Variants in SLC9A9 observed in about 807,000 individuals in gnomAD.
SLC9A9 encodes the protein solute carrier family 9 member A9.
Under a neutral mutation model 77.8 loss-of-function variants are expected in SLC9A9, and 62 were observed. The ratio of observed to expected loss-of-function variants is 0.80; its 90% confidence interval spans 0.65 to 0.98. The LOEUF (loss-of-function observed/expected upper bound fraction) is 0.98, where lower values mean the gene tolerates loss of function less well. SLC9A9 is among the 50% of genes least tolerant of loss of function. The pLI is 0.00. For synonymous variants in SLC9A9, 320 were observed against 283.5 expected, an observed-to-expected ratio of 1.13 and a Z score of -1.29; for missense variants, 775 against 774.9, an observed-to-expected ratio of 1.00 and a Z score of 0.00.
intron 12 of SLC9A9, among the ~76,000 whole-genome samples, chr3:143,451,814 TAACGCAAAGGCAA>T (rs2035013340): frequency 6.6e-6 from 1 of 152,064 alleles, no homozygotes; most frequent in Admixed American, 6.6e-5. Context: ...CATATCAGAG[TAACGCAAAGGCAA>T]ATTTGAGTAT....
At chr3:143,591,814 G>A (rs757173868) in intron 6 of SLC9A9, among the ~76,000 whole-genome samples, 1 of 152,200 alleles carries the variant, frequency 6.6e-6, no homozygotes, top group Non-Finnish European at 1.5e-5. Flanking sequence ...TTTACATATC[G>A]AGTTGGACAA....
At chr3:143,792,307 G>C (rs2008248578) in intron 4 of SLC9A9, among the ~76,000 whole-genome samples, 2 of 152,216 alleles carry the variant, frequency 1.3e-5, no homozygotes, top group African/African-American at 4.8e-5. Flanking sequence ...GAAAGTGTCA[G>C]TTTGATCTGA....
intron 5 of SLC9A9, among the ~76,000 whole-genome samples, chr3:143,675,017 A>G (rs564078442): frequency 6.6e-6 from 1 of 152,174 alleles, no homozygotes; most frequent in Non-Finnish European, 1.5e-5. Flanking sequence ...GACCTACGGA[A>G]TCAGAATTTC....
intron 6 of SLC9A9, among the ~76,000 whole-genome samples, chr3:143,614,978 T>C (rs1018413175): frequency 6.6e-5 from 10 of 151,918 alleles, no homozygotes; most frequent in African/African-American, 2.2e-4. Flanking sequence ...ACGGGGTTCT[T>C]GGTATAGGCC....
At chr3:143,643,382 G>T (rs1185947262) in intron 6 of SLC9A9, among the ~76,000 whole-genome samples, 1 of 152,216 alleles carries the variant, frequency 6.6e-6, no homozygotes, top group East Asian at 1.9e-4. Context: ...CACAGTCTAT[G>T]TGACTGAAGG....
intron 5 of SLC9A9, 118 bp downstream of exon 5, chr3:143,693,074 G>A (rs1472345586): frequency 8.2e-6 from 6 of 734,344 alleles, no homozygotes; most frequent in Non-Finnish European, 1.4e-5. Context: ...TATGTCAACT[G>A]CAGGTGAAGA....
intron 4 of SLC9A9, among the ~76,000 whole-genome samples, chr3:143,733,661 T>G (rs1030515331): frequency 6.6e-6 from 1 of 151,916 alleles, no homozygotes; most frequent in South Asian, 2.1e-4. Flanking sequence ...ACAGGCAAGA[T>G]AGCCAGCAGA....
chr3:143,492,653 T>C (rs534858846), intron 11 of SLC9A9, among the ~76,000 whole-genome samples: 10 of 152,378 alleles, frequency 6.6e-5, no homozygotes, highest in Non-Finnish European at 1.5e-4. Context: ...TTTGAGATCC[T>C]GAACCTCAGT....
intron 4 of SLC9A9, among the ~76,000 whole-genome samples, chr3:143,724,111 C>T (rs1934576854): frequency 6.6e-6 from 1 of 152,176 alleles, no homozygotes; most frequent in African/African-American, 2.4e-5. Flanking sequence ...TGTGTCCCCA[C>T]CCAAATCTCA....
Position 143,609,017 on chromosome 3 carries a change from C to T in SLC9A9, c.756-30294G>A, listed in dbSNP as rs148430202. Among the ~76,000 whole-genome samples the T allele has an allele frequency of 9.3e-3, 1,415 of 152,272 alleles. 11 individuals are homozygous for T. The highest frequency in any genetic ancestry group is 0.015 in the Admixed American group (228 of 15,296). On this transcript the variant is annotated intron_variant, in intron 6 of 15. Transcript: ENST00000316549. ...AACTCCTTAGCTGTCTATGATGCGA[C>T]ACGGTTCGTTGTGGGTGGTGCTCTG...
intron 11 of SLC9A9, among the ~76,000 whole-genome samples, chr3:143,489,665 T>G (rs1344878493): frequency 1.3e-5 from 2 of 151,818 alleles, no homozygotes; most frequent in Non-Finnish European, 2.9e-5. Flanking sequence ...AAAGAAAAAA[T>G]AGACAAATTA....
At chr3:143,295,793 TACCTGTAATTACATGGCA>T (rs2030239335) in intron 14 of SLC9A9, among the ~76,000 whole-genome samples, 4 of 152,168 alleles carry the variant, frequency 2.6e-5, no homozygotes, top group Admixed American at 2.6e-4. Context: ...ATTTCCAATA[TACCTGTAATTACATGGCA>T]ACATCTTTTC....
intron 4 of SLC9A9, among the ~76,000 whole-genome samples, chr3:143,727,594 G>A (rs17650950): frequency 6.6e-6 from 1 of 151,878 alleles, no homozygotes; most frequent in Non-Finnish European, 1.5e-5. Flanking sequence ...ATTCACTACC[G>A]AGGGAAACGG....
At chr3:143,446,087 A>T (rs1487273866) in intron 12 of SLC9A9, among the ~76,000 whole-genome samples, 1 of 152,122 alleles carries the variant, frequency 6.6e-6, no homozygotes, top group Non-Finnish European at 1.5e-5. Context: ...GTTTTATTTT[A>T]AAAAATAAAA....
intron 4 of SLC9A9, among the ~76,000 whole-genome samples, chr3:143,751,744 G>A (rs1255757856): frequency 6.6e-6 from 1 of 152,214 alleles, no homozygotes; most frequent in Non-Finnish European, 1.5e-5. Flanking sequence ...TAAATAGTAT[G>A]ACACTACTCA....
chr3:143,664,665 A>G (rs911240559), intron 5 of SLC9A9, among the ~76,000 whole-genome samples: 2 of 152,162 alleles, frequency 1.3e-5, no homozygotes, highest in Non-Finnish European at 1.5e-5. Context: ...ACAAAACAAA[A>G]CAAAGCAGGG....
intron 14 of SLC9A9, among the ~76,000 whole-genome samples, chr3:143,293,307 G>C (rs1455908029): frequency 1.3e-5 from 2 of 152,132 alleles, no homozygotes; most frequent in South Asian, 2.1e-4. Flanking sequence ...TGGCAGATAC[G>C]TGCGTCTGCA....
In SLC9A9 at chr3:143,593,386, C is replaced by T. The variant is rs149922444; in HGVS notation, c.756-14663G>A. Among the ~76,000 whole-genome samples the T allele has an allele frequency of 7.2e-5, 11 of 152,330 alleles. No individual in the cohort carries two copies. In the East Asian group the frequency reaches 2.1e-3, roughly 29 times the overall value. ...CTACCAGCTAGTGGGTACTGTTGTA[C>T]TATACTCCCCAGGTGGAACCAAGGG... is the stretch of plus-strand genomic sequence containing the variant. On this transcript the variant is annotated intron_variant, in intron 6 of 15. Coordinates refer to ENST00000316549, the MANE Select transcript of SLC9A9 (RefSeq NM_173653.4).
chr3:143,772,559 C>T (rs1272155959), intron 4 of SLC9A9, among the ~76,000 whole-genome samples: 1 of 152,154 alleles, frequency 6.6e-6, no homozygotes, highest in African/African-American at 2.4e-5. Context: ...TGAGAATTTT[C>T]TCTGCCTAGA....
Sources: allele counts gnomAD v4.1 joint callset (sites outside exome capture counted in the v4.1 genomes callset), GRCh38; gene constraint gnomAD v4.1.1; transcripts MANE v1.5; gene names NCBI Gene and HGNC (gene_info 2026-07-23, HGNC 2026-07-21).